The following PLCD1 variants were observed in gnomAD, a reference collection of about 807,000 sequenced individuals.
PLCD1 encodes the protein phospholipase C delta 1.
Under a neutral mutation model 87.4 loss-of-function variants are expected in PLCD1, and 71 were observed. That is an observed-to-expected ratio of 0.81 (90% CI 0.67 to 0.99). The LOEUF (loss-of-function observed/expected upper bound fraction) is 0.99, where lower values mean the gene tolerates loss of function less well. Among genes scored for constraint, PLCD1 ranks in the 50% least tolerant of loss-of-function variants. The pLI is 0.00. For missense variants in PLCD1, 867 were observed against 1,001.5 expected (o/e 0.87, Z 1.81); for synonymous variants, 348 against 399.2 (o/e 0.87, Z 1.53).
At position 38,022,659 on chromosome 3, in the gene PLCD1, T is replaced by A. The variant is rs574822830; in HGVS notation, c.35-2307A>T. Among the ~76,000 whole-genome samples, 43 of 152,274 alleles carry A rather than the reference T, an allele frequency of 2.8e-4. No homozygotes were observed. The East Asian group carries it at 7.9e-3, about 28-fold the overall frequency. On this transcript the variant is annotated intron_variant, in intron 1 of 14. Transcript: ENST00000334661. ...ACCCCCAGCTGCCAACAATGGTTTC[T>A]AAAAGGTGGACATCAGTTCCAGGGT...
chr3:38,014,759 T>C (rs1014266814), intron 3 of PLCD1: 6 of 152,518 alleles, frequency 3.9e-5, no homozygotes, highest in African/African-American at 1.5e-4. Flanking sequence ...ATCTATAATA[T>C]ATAAAGAGCT....
rs901042768 is a variant in PLCD1, at chr3:38,018,335, C to T, written c.200-1616G>A. On this transcript the variant is annotated intron_variant, in intron 2 of 14. Coordinates refer to ENST00000334661, the MANE Select transcript of PLCD1 (RefSeq NM_006225.4). This position sits in a 1 kb window ranked among gnomAD's most constrained non-coding sequence, Gnocchi z 5.7. ...AGCCCCCTCAGGCCTTGCTCCATAC[C>T]TGCGCACACCTGGCTCCCTGACCCT... Among the ~76,000 whole-genome samples the T allele has an allele frequency of 6.6e-6, 1 of 152,096 alleles. No individual in the cohort carries two copies. The highest frequency in any genetic ancestry group is 1.5e-5 in the Non-Finnish European group (1 of 67,980).
chr3:38,024,706 C>T (rs1470377266), intron 1 of PLCD1: 5 of 1,472,272 alleles, frequency 3.4e-6, no homozygotes, highest in Non-Finnish European at 4.5e-6. Context: ...GACCTATGCC[C>T]CCTGAAGGTG....
At chr3:38,008,773 T>C in intron 11 of PLCD1, 137 bp from the exon 12 acceptor site, 1 of 790,832 alleles carries the variant, frequency 1.3e-6, no homozygotes, top group Non-Finnish European at 2.1e-6. Context: ...CCTGCTGCCC[T>C]CCTGCCACCC....
chr3:38,022,305 A>C (rs1003714037), intron 1 of PLCD1, among the ~76,000 whole-genome samples: 11 of 152,226 alleles, frequency 7.2e-5, no homozygotes, highest in Non-Finnish European at 1.6e-4. Flanking sequence ...GAGGAGCCTG[A>C]GACAAGAGGA....
rs778586795 is a variant in PLCD1 at position 38,008,431 on chromosome 3, C to G, written c.1902+27G>C. On this transcript the variant is annotated intron_variant, in intron 12 of 14. Transcript: ENST00000334661. The stretch of plus-strand genomic sequence containing the variant: ...GTAGCGGGGAAGGGAGGTCCGTGGG[C>G]ACCTGTCCCTCCTAGGTCCAGCGTA... The G allele has an allele frequency of 6.8e-6, 11 of 1,613,996 alleles. No homozygotes were observed. In the African/African-American group the frequency reaches 1.3e-4, roughly 20 times the overall value.
At chr3:38,011,037 C>G (rs1298354582) in intron 5 of PLCD1, among the ~76,000 whole-genome samples, 177 bp downstream of exon 5, 1 of 152,224 alleles carries the variant, frequency 6.6e-6, no homozygotes, top group Non-Finnish European at 1.5e-5. Context: ...GATGCCAGAG[C>G]CCTGTCTCTC....
intron 1 of PLCD1, chr3:38,024,541 C>A: frequency 1.3e-6 from 2 of 1,512,230 alleles, no homozygotes; most frequent in South Asian, 1.2e-5. Context: ...GCGGAACTGT[C>A]GCCCTTGGAG....
In PLCD1 at chr3:38,018,174, G is replaced by A. The variant is rs570753376; in HGVS notation, c.200-1455C>T. On this transcript the variant is annotated intron_variant, in intron 2 of 14. Transcript: ENST00000334661. This position sits in a 1 kb window ranked among gnomAD's most constrained non-coding sequence, Gnocchi z 5.7. ...TGGGCAGAAGGGGAGGCTATTCCAG[G>A]CCTCCCTCACCTGGCCTCTGTTTTC... 6.6e-6 allele frequency among the ~76,000 whole-genome samples: 1 copy of A among 152,260 alleles called. No homozygotes were observed. Among genetic ancestry groups the A allele is most frequent in the East Asian group, 1.9e-4 (1 of 5,184 alleles).
At chr3:38,012,036 T>TTTTC (rs1553606909) in intron 3 of PLCD1, among the ~76,000 whole-genome samples, 1 of 149,114 alleles carries the variant, frequency 6.7e-6, no homozygotes, top group African/African-American at 2.5e-5. Flanking sequence ...CTTTTCTTTT[T>TTTTC]TTTTTTTTTT....
Position 38,020,324 on chromosome 3 carries a change from C to A in PLCD1, c.63G>T (p.Ala21=), listed in dbSNP as rs139499771. 10 of 1,613,948 alleles carry A rather than the reference C, an allele frequency of 6.2e-6. No individual in the cohort carries two copies. Among genetic ancestry groups the A allele is most frequent in the Non-Finnish European group, 8.5e-6 (10 of 1,180,024 alleles). The change falls in exon 2 of 15, where the codon GCG becomes GCT. Residue 21 remains alanine, a synonymous_variant. Coordinates refer to ENST00000334661, the MANE Select transcript of PLCD1 (RefSeq NM_006225.4). ...HGLQDDEDLQ[A]LLKGSQLLKV... is the part of the protein sequence containing the mutation. Reference sequence around the variant, plus strand: ...TCAGGAGCTGGCTGCCCTTCAGCAGCGCCTGTAGATCCTCATCATCCTGTA... The same window carrying A: ...TCAGGAGCTGGCTGCCCTTCAGCAGAGCCTGTAGATCCTCATCATCCTGTA...
In PLCD1 at chr3:38,008,111, G is replaced by A. The variant is rs769409382; in HGVS notation, c.2088C>T (p.Asp696=). Residue 696 remains aspartate, a synonymous_variant, in exon 14 of 15, where the codon GAC becomes GAT. Coordinates refer to ENST00000334661, the MANE Select transcript of PLCD1 (RefSeq NM_006225.4). ...CCACCAAGAAGCGGATGAGGGCAAG[G>A]TCAGGCACAACTACCTCAAACGCAA... ...TEFAFEVVVP[D]LALIRFLVED... 1.4e-5 allele frequency: 22 copies of A among 1,614,032 alleles called. 1 individual carries two copies. The South Asian group carries it at 2.4e-4, about 18-fold the overall frequency.
chr3:38,011,484 C>T, intron 4 of PLCD1, 39 bp from the exon 5 acceptor site: 1 of 1,614,024 alleles, frequency 6.2e-7, no homozygotes. Flanking sequence ...CAGAGCAGGC[C>T]TTGGGCCGGG....
chr3:38,008,099 G>A lies in PLCD1; in HGVS notation c.2100C>T (p.Ile700=), dbSNP rs373631161. 14 of 1,614,050 alleles carry A rather than the reference G, an allele frequency of 8.7e-6. No individual in the cohort carries two copies. Among genetic ancestry groups the A allele is most frequent in the Middle Eastern group, 1.6e-4 (1 of 6,084 alleles). Residue 700 remains isoleucine (I), a synonymous_variant, in exon 14 of 15, where the codon ATC becomes ATT. Coordinates refer to ENST00000334661, the MANE Select transcript of PLCD1 (RefSeq NM_006225.4). ...FEVVVPDLAL[I]RFLVEDYDAS... ...CATCATAATCTTCCACCAAGAAGCG[G>A]ATGAGGGCAAGGTCAGGCACAACTA...
chr3:38,009,555 T>A (rs1170360758), intron 9 of PLCD1, 98 bp downstream of exon 9: 2 of 1,563,604 alleles, frequency 1.3e-6, no homozygotes, highest in Non-Finnish European at 1.8e-6. Context: ...GCAGAGGGTC[T>A]GAGTGGCAGC....
At chr3:38,011,150 C>T in intron 5 of PLCD1, 64 bp downstream of exon 5, 1 of 1,327,742 alleles carries the variant, frequency 7.5e-7, no homozygotes, top group Admixed American at 1.9e-5. Context: ...GCAGTCTCCC[C>T]AGGGGTCTCC....
In PLCD1 at chr3:38,016,894, G is replaced by T. The variant is rs72864000; in HGVS notation, c.200-175C>A. ...GAGAGGGGCAGGAGGTTGGACAAGT[G>T]GGGGACAAAAAGGAGAAAGGAAGAC... On this transcript the variant is annotated intron_variant, in intron 2 of 14. Coordinates refer to ENST00000334661, the MANE Select transcript of PLCD1 (RefSeq NM_006225.4). Among the ~76,000 whole-genome samples the T allele has an allele frequency of 0.036, 5,433 of 152,202 alleles. 140 individuals are homozygous for T. Among genetic ancestry groups the T allele is most frequent in the African/African-American group, 0.075 (3,095 of 41,524 alleles).
At chr3:38,023,413 CATA>C (rs1700262591) in intron 1 of PLCD1, among the ~76,000 whole-genome samples, 1 of 152,136 alleles carries the variant, frequency 6.6e-6, no homozygotes, top group Non-Finnish European at 1.5e-5. Flanking sequence ...TAGAGGCTCC[CATA>C]ATAATAGTTA....
At chr3:38,008,208 G>C (rs201161595) in intron 13 of PLCD1, 27 bp downstream of exon 13, 29 of 1,613,748 alleles carry the variant, frequency 1.8e-5, no homozygotes, top group Non-Finnish European at 2.4e-5. Context: ...ACCAGCCCTA[G>C]TAGCCCAGCC....
Sources: allele counts gnomAD v4.1 joint callset (sites outside exome capture counted in the v4.1 genomes callset), GRCh38; gene constraint gnomAD v4.1.1; non-coding constraint Gnocchi (gnomAD v3.1); transcripts MANE v1.5; gene names NCBI Gene and HGNC (gene_info 2026-07-23, HGNC 2026-07-21).